Variants in DST observed in about 807,000 individuals in gnomAD.
DST encodes the protein bullous pemphigoid antigen.
In DST, 253 loss-of-function variants were observed where a neutral mutation model predicts 875.2. The ratio of observed to expected loss-of-function variants is 0.29; its 90% CI spans 0.26 to 0.32. DST has a LOEUF of 0.32. Ranked by LOEUF, DST falls within the 10% of genes least tolerant of loss-of-function variation. The pLI, the probability that DST is intolerant of heterozygous loss-of-function variation, is 1.00. For synonymous variants in DST, 3,124 were observed against 3,197.1 expected, an observed-to-expected ratio of 0.98 and a Z score of 0.77; for missense variants, 8,287 against 9,111.6, an observed-to-expected ratio of 0.91 and a Z score of 3.68.
At chr6:56,692,461 T>G (rs1260603674) in intron 9 of DST, 1 of 1,289,656 alleles carries the variant, frequency 7.8e-7, no homozygotes, top group South Asian at 1.2e-5. Context: ...TTTTTTAAAC[T>G]GAAAATGCTG....
intron 2 of DST, among the ~76,000 whole-genome samples, chr6:56,917,471 T>C (rs968125676): frequency 3.9e-5 from 6 of 152,210 alleles, no homozygotes; most frequent in Non-Finnish European, 2.9e-5. Flanking sequence ...ATGCATTACA[T>C]GGATATCTGC....
intron 61 of DST, among the ~76,000 whole-genome samples, chr6:56,544,052 T>C (rs2097182820): frequency 6.6e-6 from 1 of 152,216 alleles, no homozygotes; most frequent in Admixed American, 6.5e-5. Flanking sequence ...CAATTTTTCA[T>C]GTTCAAGACG....
intron 95 of DST, 48 bp downstream of exon 95, chr6:56,471,058 T>C (rs942984754): frequency 1.3e-6 from 2 of 1,552,958 alleles, no homozygotes; most frequent in Non-Finnish European, 1.8e-6. Context: ...AATGTGCTTA[T>C]TTCCTTTAAA....
At chr6:56,814,270 T>C (rs1173977721) in intron 4 of DST, among the ~76,000 whole-genome samples, 1 of 149,858 alleles carries the variant, frequency 6.7e-6, no homozygotes, top group Non-Finnish European at 1.5e-5. Context: ...TTTCACTTTG[T>C]TAAGTTTTAC....
At position 56,619,607 on chromosome 6, in the gene DST, A is replaced by C; in HGVS notation, c.4929+4923T>G. On this transcript the variant is annotated intron_variant, in intron 36 of 103. Coordinates refer to ENST00000680361, the MANE Select transcript of DST (RefSeq NM_001374736.1). ...TTGTAGTTTCCCTTTTTCATGATTA[A>C]GAGATTCTAATTCTAACTGATAATT... 1 of 1,613,938 alleles carries C rather than the reference A, an allele frequency of 6.2e-7. No homozygotes were observed. Among genetic ancestry groups the C allele is most frequent in the Non-Finnish European group, 8.5e-7 (1 of 1,180,012 alleles).
At chr6:56,727,766 T>C (rs1391764344) in intron 5 of DST, among the ~76,000 whole-genome samples, 1 of 152,256 alleles carries the variant, frequency 6.6e-6, no homozygotes, top group African/African-American at 2.4e-5. Flanking sequence ...TATTGCTTTC[T>C]TTCTACTTCT....
intron 4 of DST, among the ~76,000 whole-genome samples, chr6:56,842,209 C>T (rs2099800932): frequency 6.6e-6 from 1 of 152,140 alleles, no homozygotes; most frequent in Non-Finnish European, 1.5e-5. Context: ...ATAAAACCAT[C>T]TGAATCCTAC....
At position 56,604,195 on chromosome 6, in the gene DST, C is replaced by G. The variant is rs778659217; in HGVS notation, c.10433G>C (p.Arg3478Thr). Reference sequence around the variant, plus strand: ...TGGAAGTACTTTAGACGTAATGCCTCTTTTCTCTAGGTCATACTCCATATG... The same window carrying G: ...TGGAAGTACTTTAGACGTAATGCCTGTTTTCTCTAGGTCATACTCCATATG... ...LTHMEYDLEK[R>T]GITSKVLPLQ... Residue 3478 changes from arginine (R) to threonine (T), a missense_variant, in exon 40 of 104, where the codon AGA becomes ACA. Transcript: ENST00000680361. The G allele has an allele frequency of 6.2e-7, 1 of 1,604,106 alleles. No homozygotes were observed. The highest frequency in any genetic ancestry group is 1.3e-5 in the African/African-American group (1 of 74,918).
chr6:56,571,740 C>T (rs1350932359), intron 53 of DST, among the ~76,000 whole-genome samples: 1 of 152,138 alleles, frequency 6.6e-6, no homozygotes, highest in African/African-American at 2.4e-5. Context: ...CAAAGAACCA[C>T]GAGCTGTTGT....
chr6:56,548,373 G>C (rs1056588074), intron 61 of DST, among the ~76,000 whole-genome samples: 4 of 152,134 alleles, frequency 2.6e-5, no homozygotes, highest in Non-Finnish European at 4.4e-5. Context: ...AAGTCTCTTT[G>C]ATTTTCATTG....
chr6:56,492,182 G>A, intron 85 of DST, 45 bp downstream of exon 85: 1 of 1,489,244 alleles, frequency 6.7e-7, no homozygotes, highest in South Asian at 1.1e-5. Flanking sequence ...ACAGCAAGAA[G>A]TGGTTTATTG....
At chr6:56,523,599 G>A (rs532384027) in intron 69 of DST, among the ~76,000 whole-genome samples, 72 of 151,980 alleles carry the variant, frequency 4.7e-4, no homozygotes, top group Admixed American at 4.6e-4. Context: ...TCAAAAAGCA[G>A]GTTGACATTA....
intron 3 of DST, among the ~76,000 whole-genome samples, chr6:56,893,639 C>A (rs1592165204): frequency 2.6e-5 from 1 of 38,804 alleles, no homozygotes; most frequent in Non-Finnish European, 4.0e-5. Flanking sequence ...TTGGGTGTTT[C>A]TCGCAGAGGG....
intron 4 of DST, among the ~76,000 whole-genome samples, chr6:56,808,007 A>G (rs2099755217): frequency 6.6e-6 from 1 of 152,204 alleles, no homozygotes; most frequent in Non-Finnish European, 1.5e-5. Context: ...TCTATCCAAC[A>G]TGAATGTCCA....
At chr6:56,636,259 CACACACACAA>C (rs1462685718) in intron 23 of DST, among the ~76,000 whole-genome samples, 1 of 148,072 alleles carries the variant, frequency 6.8e-6, no homozygotes, top group Non-Finnish European at 1.5e-5. Flanking sequence ...TATATATACA[CACACACACAA>C]ACACACACAC....
chr6:56,799,029 A>G (rs897599607), intron 4 of DST, among the ~76,000 whole-genome samples: 47 of 152,222 alleles, frequency 3.1e-4, no homozygotes, highest in African/African-American at 1.1e-3. Flanking sequence ...ATCAGCAAAG[A>G]AAGTGGTTTC....
At chr6:56,692,623 AC>A in intron 9 of DST, 1 of 1,289,740 alleles carries the variant, frequency 7.8e-7, no homozygotes, top group Non-Finnish European at 1.0e-6. Flanking sequence ...GAAAGAAAAA[AC>A]ATCAGTTTTT....
At chr6:56,560,187 A>C in intron 58 of DST, 107 bp downstream of exon 58, 1 of 1,144,380 alleles carries the variant, frequency 8.7e-7, no homozygotes, top group South Asian at 2.4e-5. Flanking sequence ...CATTAAAGCA[A>C]ATCCAAAAAT....
At chr6:56,615,462 A>C in intron 36 of DST, 1 of 1,611,850 alleles carries the variant, frequency 6.2e-7, no homozygotes. Flanking sequence ...TACTCTGAAA[A>C]AGTGGCATGA....
Sources: allele counts gnomAD v4.1 joint callset (sites outside exome capture counted in the v4.1 genomes callset), GRCh38; gene constraint gnomAD v4.1.1; transcripts MANE v1.5; gene names NCBI Gene and HGNC (gene_info 2026-07-23, HGNC 2026-07-21).